RBFOX3: variants seen among roughly 807,000 people sequenced by gnomAD.
RBFOX3 encodes the protein RNA binding protein fox-1 homolog 3.
A neutral mutation model predicts 48.7 loss-of-function variants in RBFOX3; 17 were observed. The observed-to-expected ratio is 0.35, with a 90% confidence interval of 0.24 to 0.52. RBFOX3 has a LOEUF of 0.52. Among genes scored for constraint, RBFOX3 ranks in the 20% least tolerant of loss-of-function variants. RBFOX3 has a pLI of 0.94. For missense variants in RBFOX3, 382 were observed against 497.5 expected (o/e 0.77, Z 2.21); for synonymous variants, 212 against 209.5 (o/e 1.01, Z -0.10).
intron 1 of RBFOX3, among the ~76,000 whole-genome samples, chr17:79,512,007 C>T (rs1191239736): frequency 7.0e-6 from 1 of 143,842 alleles, no homozygotes; most frequent in Non-Finnish European, 1.5e-5. Context: ...GCCCCATAGC[C>T]AGGGGACGCA....
Position 79,394,905 on chromosome 17 carries a change from C to A in RBFOX3, c.-174-87081G>T, listed in dbSNP as rs76549044. Reference sequence around the variant, plus strand: ...AGGGCCTGGAGACGCAACACAGGCGCTCGGGGCGTGTGCAGGTGGGACGAC... The same window carrying A: ...AGGGCCTGGAGACGCAACACAGGCGATCGGGGCGTGTGCAGGTGGGACGAC... On this transcript the variant is annotated intron_variant, in intron 2 of 14. Transcript: ENST00000693108. Among the ~76,000 whole-genome samples the A allele has an allele frequency of 2.4e-4, 36 of 152,314 alleles. No individual in the cohort carries two copies. The East Asian group carries it at 5.2e-3, about 22-fold the overall frequency.
At chr17:79,377,410 C>T (rs1407610213) in intron 2 of RBFOX3, among the ~76,000 whole-genome samples, 1 of 152,058 alleles carries the variant, frequency 6.6e-6, no homozygotes, top group East Asian at 1.9e-4. Flanking sequence ...CATACACACA[C>T]AGACATGCAC....
intron 2 of RBFOX3, among the ~76,000 whole-genome samples, chr17:79,367,098 C>T (rs74446905): frequency 0.031 from 4,701 of 152,112 alleles, 235 homozygotes; most frequent in African/African-American, 0.11. Flanking sequence ...GCTGCCCTCG[C>T]TCCCACATGA....
At chr17:79,545,199 C>A (rs758710817) in intron 1 of RBFOX3, among the ~76,000 whole-genome samples, 22 of 152,204 alleles carry the variant, frequency 1.4e-4, no homozygotes, top group Non-Finnish European at 2.5e-4. Context: ...TGCTTGCATG[C>A]ACGCTAAGAG....
intron 2 of RBFOX3, among the ~76,000 whole-genome samples, chr17:79,369,116 G>A (rs34622003): frequency 0.12 from 17,595 of 152,136 alleles, 1,183 homozygotes; most frequent in African/African-American, 0.17. Flanking sequence ...GTCTCACTGC[G>A]CCCAGTGCAG....
intron 2 of RBFOX3, among the ~76,000 whole-genome samples, chr17:79,385,679 T>C (rs563334197): frequency 1.1e-4 from 16 of 152,122 alleles, no homozygotes; most frequent in African/African-American, 3.9e-4. Context: ...GGGGCTCCAG[T>C]ACCTCCTGTG....
At chr17:79,606,382 G>A (rs1452210962) in intron 1 of RBFOX3, among the ~76,000 whole-genome samples, 2 of 152,174 alleles carry the variant, frequency 1.3e-5, no homozygotes, top group African/African-American at 4.8e-5. Context: ...GATGGTGGAT[G>A]GTCCTTTCCC....
intron 2 of RBFOX3, among the ~76,000 whole-genome samples, chr17:79,393,969 T>C (rs1452099537): frequency 6.6e-6 from 1 of 151,142 alleles, no homozygotes; most frequent in African/African-American, 2.4e-5. Context: ...ACCACGCACA[T>C]CGTCTGAGCC....
intron 1 of RBFOX3, among the ~76,000 whole-genome samples, chr17:79,516,636 T>C (rs1023064332): frequency 1.3e-4 from 20 of 152,098 alleles, no homozygotes; most frequent in Non-Finnish European, 2.6e-4. Flanking sequence ...AGAGACGGGA[T>C]GGAAAGTCTC....
intron 2 of RBFOX3, among the ~76,000 whole-genome samples, chr17:79,411,167 C>T (rs1039090311): frequency 2.6e-5 from 4 of 152,176 alleles, no homozygotes; most frequent in East Asian, 1.9e-4. Flanking sequence ...GTCACGTAAC[C>T]GGATCAAATG....
intron 2 of RBFOX3, among the ~76,000 whole-genome samples, chr17:79,317,035 C>T (rs1188864996): frequency 6.6e-6 from 1 of 152,158 alleles, no homozygotes; most frequent in Non-Finnish European, 1.5e-5. Flanking sequence ...CATACACATC[C>T]TTCAAAGAAA....
chr17:79,391,253 C>T lies in RBFOX3; in HGVS notation c.-174-83429G>A, dbSNP rs958547785. Among the ~76,000 whole-genome samples the T allele has an allele frequency of 2.0e-4, 30 of 152,188 alleles. No individual in the cohort carries two copies. Among genetic ancestry groups the T allele is most frequent in the African/African-American group, 6.0e-4 (25 of 41,524 alleles). ...GCAGGATGAAATCCAAATTCCTTAG[C>T]GCAACCCCCAAGCTGGGGTCTCAGC... is the stretch of plus-strand genomic sequence containing the variant. On this transcript the variant is annotated intron_variant, in intron 2 of 14. Transcript: ENST00000693108. The surrounding 1 kb of genome is among the most constrained non-coding windows in gnomAD (Gnocchi z 5.0).
intron 2 of RBFOX3, among the ~76,000 whole-genome samples, chr17:79,378,844 A>G (rs1286994439): frequency 2.0e-5 from 3 of 152,228 alleles, no homozygotes; most frequent in Non-Finnish European, 4.4e-5. Context: ...GGCAGGGAAC[A>G]TGGATCCTGC....
intron 4 of RBFOX3, among the ~76,000 whole-genome samples, chr17:79,116,672 C>CG (rs1453855613): frequency 6.6e-6 from 1 of 152,206 alleles, no homozygotes; most frequent in Non-Finnish European, 1.5e-5. Context: ...TGAGGTGTGT[C>CG]GGGGGGCAGG....
upstream of RBFOX3, among the ~76,000 whole-genome samples, chr17:79,611,137 T>C (rs1374658630): frequency 5.4e-4 from 13 of 24,204 alleles, no homozygotes; most frequent in Non-Finnish European, 9.1e-4. Context: ...TCCTTCTCTC[T>C]CTCTCTCTCT....
chr17:79,580,345 T>G (rs2093016323), intron 1 of RBFOX3, among the ~76,000 whole-genome samples: 1 of 147,232 alleles, frequency 6.8e-6, no homozygotes, highest in Non-Finnish European at 1.5e-5. Flanking sequence ...ATTTGATCTA[T>G]CAGCCAACAA....
the RBFOX3 span, among the ~76,000 whole-genome samples, chr17:79,629,905 C>T: frequency 6.6e-6 from 1 of 152,092 alleles, no homozygotes; most frequent in East Asian, 1.9e-4. Flanking sequence ...CATTATACTC[C>T]CCAGGCCTCC....
In RBFOX3 at chr17:79,302,412, G is replaced by C. The variant is rs182786028; in HGVS notation, c.-74+5312C>G. Among the ~76,000 whole-genome samples, 222 of 152,310 alleles carry C rather than the reference G, an allele frequency of 1.5e-3. 1 individual carries two copies. Among genetic ancestry groups the C allele is most frequent in the Non-Finnish European group, 2.6e-3 (178 of 68,022 alleles). On this transcript the variant is annotated intron_variant, in intron 3 of 14. Transcript: ENST00000693108. ...TAGACAGTGTTGGCCAGGTGTGGTG[G>C]CTCACACCTGTAATCTCAGCACTTT...
At chr17:79,274,463 G>T (rs1015713479) in intron 3 of RBFOX3, among the ~76,000 whole-genome samples, 5 of 152,176 alleles carry the variant, frequency 3.3e-5, no homozygotes, top group Non-Finnish European at 5.9e-5. Context: ...GCACTCAGGC[G>T]CGAGGGAACT....
Sources: allele counts gnomAD v4.1 joint callset (sites outside exome capture counted in the v4.1 genomes callset), GRCh38; gene constraint gnomAD v4.1.1; non-coding constraint Gnocchi (gnomAD v3.1); transcripts MANE v1.5; gene names NCBI Gene and HGNC (gene_info 2026-07-23, HGNC 2026-07-21).